The following GULP1 variants were observed in gnomAD, a reference collection of about 807,000 sequenced individuals.
The protein encoded by GULP1 is PTB domain-containing engulfment adapter protein 1.
GULP1 carries 19 observed loss-of-function variants against 40.9 expected under a neutral mutation model. The observed-to-expected ratio is 0.46, with a 90% CI of 0.32 to 0.68. The LOEUF is 0.68. Ranked by LOEUF, GULP1 falls within the 30% of genes least tolerant of loss-of-function variation. The pLI is 0.03. For synonymous variants in GULP1, 119 were observed against 117.6 expected, an observed-to-expected ratio of 1.01 and a Z score of -0.08; for missense variants, 312 against 362.2, an observed-to-expected ratio of 0.86 and a Z score of 1.12.
intron 2 of GULP1, among the ~76,000 whole-genome samples, chr2:188,396,853 C>T (rs1008031409): frequency 3.9e-5 from 6 of 152,228 alleles, no homozygotes; most frequent in Non-Finnish European, 8.8e-5. Flanking sequence ...TTCCCTCCAT[C>T]CGTGCTGGAG....
intron 7 of GULP1, among the ~76,000 whole-genome samples, chr2:188,545,757 C>T (rs1397538273): frequency 6.6e-6 from 1 of 151,806 alleles, no homozygotes; most frequent in African/African-American, 2.4e-5. Context: ...TGTAAATGGT[C>T]TAACTACACC....
At chr2:188,453,180 T>C (rs1313339388) in intron 2 of GULP1, among the ~76,000 whole-genome samples, 2 of 152,202 alleles carry the variant, frequency 1.3e-5, no homozygotes, top group African/African-American at 2.4e-5. Context: ...TATCTGTTTA[T>C]GTGTTAAAAT....
intron 4 of GULP1, among the ~76,000 whole-genome samples, chr2:188,496,914 C>G (rs1311195795): frequency 6.6e-6 from 1 of 151,936 alleles, no homozygotes; most frequent in African/African-American, 2.4e-5. Context: ...TCCCCCTGCT[C>G]TGGCCATGTA....
At chr2:188,508,210 C>T (rs956375369) in intron 4 of GULP1, among the ~76,000 whole-genome samples, 2 of 151,868 alleles carry the variant, frequency 1.3e-5, no homozygotes, top group Admixed American at 6.6e-5. Flanking sequence ...TTAAACATTA[C>T]AGTGAAGCAT....
chr2:188,569,236 C>T lies in GULP1; in HGVS notation c.400-3C>T, dbSNP rs116606213. 2.2e-4 allele frequency: 314 copies of T among 1,416,402 alleles called. 1 individual carries two copies. The African/African-American group carries it at 4.0e-3, about 18-fold the overall frequency. 87.7% of individuals were successfully genotyped at this position (1,416,402 alleles called of 1,614,324 possible). Reference sequence around the variant, plus strand: ...TGCAAATCTTTGTTTGATTTTTACACAGGCTGAAGAGATCACTTTAACAAT... The same window carrying T: ...TGCAAATCTTTGTTTGATTTTTACATAGGCTGAAGAGATCACTTTAACAAT... On this transcript the variant is annotated splice_polypyrimidine_tract_variant and splice_region_variant and intron_variant, in intron 7 of 11. Transcript: ENST00000409830.
At chr2:188,478,967 G>A (rs1032697368) in intron 3 of GULP1, among the ~76,000 whole-genome samples, 9 of 152,084 alleles carry the variant, frequency 5.9e-5, no homozygotes, top group Admixed American at 3.3e-4. Flanking sequence ...GTAACAGGAA[G>A]CATGACTGAG....
In GULP1 at chr2:188,511,653, A is replaced by G. The variant is rs1045488511; in HGVS notation, c.91-11103A>G. On this transcript the variant is annotated intron_variant, in intron 4 of 11. Coordinates refer to ENST00000409830, the MANE Select transcript of GULP1 (RefSeq NM_016315.4). ...TGAACACAGTTTCTTGTTTATAGCA[A>G]GTAGACTTGTTTGGACTTAAACATG... Among the ~76,000 whole-genome samples the G allele has an allele frequency of 2.1e-4, 32 of 152,318 alleles. 2 individuals carry two copies. The highest frequency in any genetic ancestry group is 4.1e-4 in the South Asian group (2 of 4,826).
intron 2 of GULP1, among the ~76,000 whole-genome samples, chr2:188,463,219 C>G (rs968886312): frequency 3.9e-5 from 6 of 152,098 alleles, no homozygotes; most frequent in Non-Finnish European, 5.9e-5. Flanking sequence ...GCTGAAATCC[C>G]TCAGCTTTTG....
chr2:188,546,369 G>T (rs1465969560), intron 7 of GULP1, among the ~76,000 whole-genome samples: 1 of 151,858 alleles, frequency 6.6e-6, no homozygotes, highest in East Asian at 1.9e-4. Context: ...ATTATTTAAC[G>T]TTTCTCTGAC....
At chr2:188,351,439 A>G (rs936226120) in intron 1 of GULP1, among the ~76,000 whole-genome samples, 1 of 152,076 alleles carries the variant, frequency 6.6e-6, no homozygotes, top group Non-Finnish European at 1.5e-5. Context: ...AGTAACTATG[A>G]GGGGTAGTAG....
intron 2 of GULP1, among the ~76,000 whole-genome samples, chr2:188,417,922 C>G (rs2054800098): frequency 6.6e-6 from 1 of 152,124 alleles, no homozygotes; most frequent in East Asian, 1.9e-4. Flanking sequence ...TCTCAAGTAG[C>G]TGGGACTTAC....
At chr2:188,424,001 T>C (rs1474932468) in intron 2 of GULP1, among the ~76,000 whole-genome samples, 1 of 151,872 alleles carries the variant, frequency 6.6e-6, no homozygotes, top group Non-Finnish European at 1.5e-5. Context: ...GAAGCTGTGG[T>C]ATTTCATTTA....
rs375505647 is a variant in GULP1, at chr2:188,480,677, A to AT, written c.29-2748dup. Among the ~76,000 whole-genome samples the AT allele has an allele frequency of 2.1e-3, 323 of 151,838 alleles. 4 individuals are homozygous for AT. The highest frequency in any genetic ancestry group is 2.0e-3 in the Non-Finnish European group (136 of 67,810). ...ATTTTAGTGATTGTCTTTGTTTTAG[A>AT]TTTTTTCCCAATGTTAATTTTCTTT... On this transcript the variant is annotated intron_variant, in intron 3 of 11. Transcript: ENST00000409830.
intron 9 of GULP1, chr2:188,582,444 C>T (rs772830719): frequency 2.1e-6 from 1 of 471,698 alleles, no homozygotes; most frequent in Non-Finnish European, 4.4e-6. Flanking sequence ...AATATTTCTT[C>T]CATCTCTGTC....
chr2:188,568,164 A>G (rs577199873), intron 7 of GULP1, among the ~76,000 whole-genome samples: 1 of 152,290 alleles, frequency 6.6e-6, no homozygotes, highest in South Asian at 2.1e-4. Context: ...ATTAAATGAT[A>G]TAAGATGATT....
intron 6 of GULP1, among the ~76,000 whole-genome samples, chr2:188,540,449 TGTGTGC>T (rs959607020): frequency 1.1e-4 from 16 of 151,906 alleles, no homozygotes; most frequent in African/African-American, 3.6e-4. Context: ...TGTGTGTGTG[TGTGTGC>T]GTGTGTAAAT....
Position 188,587,858 on chromosome 2 carries a change from G to C in GULP1, c.752G>C (p.Arg251Pro). ...PVPSRSTEIK[R>P]DLFGAEPFDP... ...TAAATTATTTCCTTCCTTGCAGAACGGGACCTGTTTGGAGCAGAACCTTTT... is the reference window on the plus strand; with the variant it reads ...TAAATTATTTCCTTCCTTGCAGAACCGGACCTGTTTGGAGCAGAACCTTTT... The change falls in exon 11 of 12, where the codon CGG (arginine) becomes CCG (proline). Residue 251 changes from arginine to proline, a missense_variant. Arg to Pro is a moderately radical substitution (Grantham distance 103, BLOSUM62 -2). Transcript: ENST00000409830. 1 of 1,579,658 alleles carries C rather than the reference G, an allele frequency of 6.3e-7. No homozygotes were observed. The highest frequency in any genetic ancestry group is 8.7e-7 in the Non-Finnish European group (1 of 1,151,594).
intron 1 of GULP1, among the ~76,000 whole-genome samples, chr2:188,342,822 C>G (rs901856748): frequency 6.6e-6 from 1 of 152,054 alleles, no homozygotes; most frequent in African/African-American, 2.4e-5. Flanking sequence ...CTGTTATTCC[C>G]AGGATATATA....
chr2:188,524,801 C>G (rs1685744653), intron 5 of GULP1, among the ~76,000 whole-genome samples: 1 of 151,198 alleles, frequency 6.6e-6, no homozygotes, highest in East Asian at 1.9e-4. Context: ...TAATTTCCTG[C>G]TTATTTTTCT....
Sources: gnomAD v4.1 joint callset for allele counts (sites outside exome capture counted in the v4.1 genomes callset) on GRCh38, gnomAD v4.1.1 for gene constraint, MANE v1.5 for transcripts, NCBI Gene and HGNC (gene_info 2026-07-23, HGNC 2026-07-21) for gene names.